VWA8: variants seen among roughly 807,000 people sequenced by gnomAD.
The protein encoded by VWA8 is von Willebrand factor A domain containing 8, also known as von Willebrand factor A domain-containing protein 8.
VWA8 carries 221 observed loss-of-function variants against 241.5 expected under a neutral mutation model. That is an observed-to-expected ratio of 0.91 (90% CI 0.82 to 1.02). The LOEUF (loss-of-function observed/expected upper bound fraction) is 1.02, where lower values mean the gene tolerates loss of function less well. Among genes scored for constraint, VWA8 ranks in the 50% least tolerant of loss-of-function variants. The pLI is 0.00. For missense variants in VWA8, 2,322 were observed against 2,328.7 expected (o/e 1.00, Z 0.06); for synonymous variants, 852 against 827.1 (o/e 1.03, Z -0.52).
intron 20 of VWA8, among the ~76,000 whole-genome samples, chr13:41,771,570 C>CT (rs550529007): frequency 1.3e-5 from 2 of 151,994 alleles, no homozygotes; most frequent in South Asian, 2.1e-4. Flanking sequence ...CTCTTAGGGA[C>CT]TTTTTTTTAT....
intron 36 of VWA8, among the ~76,000 whole-genome samples, chr13:41,674,818 A>T (rs2045049016): frequency 6.6e-6 from 1 of 152,224 alleles, no homozygotes; most frequent in African/African-American, 2.4e-5. Flanking sequence ...ATATCAAAAC[A>T]ATATTAAAGA....
At chr13:41,843,539 AG>A (rs1455854023) in intron 12 of VWA8, among the ~76,000 whole-genome samples, 5 of 152,194 alleles carry the variant, frequency 3.3e-5, no homozygotes, top group African/African-American at 1.2e-4. Flanking sequence ...ATCCATACAA[AG>A]GATCAACTAA....
At chr13:41,959,105 A>G (rs1878472953) in intron 1 of VWA8, among the ~76,000 whole-genome samples, 1 of 152,268 alleles carries the variant, frequency 6.6e-6, no homozygotes, top group Non-Finnish European at 1.5e-5. Context: ...AAGGCAAGGA[A>G]ACAGAATAAT....
At chr13:41,686,816 C>G (rs1386036341) in intron 34 of VWA8, among the ~76,000 whole-genome samples, 1 of 152,128 alleles carries the variant, frequency 6.6e-6, no homozygotes, top group Non-Finnish European at 1.5e-5. Flanking sequence ...TGGGTTCTGA[C>G]AGCCCATAGG....
At chr13:41,762,427 A>T (rs1403261784) in intron 20 of VWA8, among the ~76,000 whole-genome samples, 1 of 152,142 alleles carries the variant, frequency 6.6e-6, no homozygotes, top group Non-Finnish European at 1.5e-5. Context: ...GAGGACTCAC[A>T]TCCAGGTAAT....
intron 36 of VWA8, 132 bp from the exon 37 acceptor site, chr13:41,671,279 C>G (rs2045021557): frequency 2.1e-6 from 2 of 964,116 alleles, no homozygotes; most frequent in Non-Finnish European, 3.1e-6. Flanking sequence ...CCTGCTCTTA[C>G]CTCTGTCACC....
intron 5 of VWA8, among the ~76,000 whole-genome samples, chr13:41,889,030 C>G (rs1874689372): frequency 6.6e-6 from 1 of 152,136 alleles, no homozygotes; most frequent in Non-Finnish European, 1.5e-5. Flanking sequence ...AAAGTTCATA[C>G]AAACTGAACT....
chr13:41,647,377 A>G (rs936130121), intron 37 of VWA8, among the ~76,000 whole-genome samples: 2 of 152,262 alleles, frequency 1.3e-5, no homozygotes, highest in Non-Finnish European at 2.9e-5. Flanking sequence ...GAACAGTTAC[A>G]TTAACACACA....
intron 37 of VWA8, among the ~76,000 whole-genome samples, chr13:41,655,815 T>C (rs1381702534): frequency 1.3e-5 from 2 of 152,246 alleles, no homozygotes; most frequent in South Asian, 2.1e-4. Context: ...GAAAATACAT[T>C]TGTATAGTCT....
At chr13:41,882,173 A>G (rs185764977) in intron 9 of VWA8, among the ~76,000 whole-genome samples, 50,715 of 147,736 alleles carry the variant, frequency 0.34, 8,841 homozygotes, top group East Asian at 0.43. Context: ...ACGGGGCGGC[A>G]GGGCAGAGGC....
At chr13:41,707,425 C>T (rs7995367) in intron 26 of VWA8, among the ~76,000 whole-genome samples, 3,135 of 152,174 alleles carry the variant, frequency 0.021, 106 homozygotes, top group African/African-American at 0.069. Flanking sequence ...TCAACAATTC[C>T]GAAAACATTT....
At position 41,645,372 on chromosome 13, in the gene VWA8, G is replaced by C. The variant is rs184919077; in HGVS notation, c.4611+25574C>G. 2.0e-3 allele frequency among the ~76,000 whole-genome samples: 300 copies of C among 152,258 alleles called. 8 individuals carry two copies. Among genetic ancestry groups the C allele is most frequent in the Admixed American group, 0.017 (265 of 15,300 alleles). On this transcript the variant is annotated intron_variant, in intron 37 of 44. Coordinates refer to ENST00000379310, the MANE Select transcript of VWA8 (RefSeq NM_015058.2). ...TCATCAAGGATATTTTCTGAAGTTTGGGTTGTATGAGAATTCTACACTCTG... is the reference window on the plus strand; with the variant it reads ...TCATCAAGGATATTTTCTGAAGTTTCGGTTGTATGAGAATTCTACACTCTG...
chr13:41,740,283 A>AT (rs1026209366), intron 21 of VWA8, among the ~76,000 whole-genome samples: 1 of 152,232 alleles, frequency 6.6e-6, no homozygotes, highest in Admixed American at 6.5e-5. Context: ...TTTGATGTAG[A>AT]TTTTTTTAAA....
At chr13:41,589,907 C>T (rs778863849) in intron 41 of VWA8, among the ~76,000 whole-genome samples, 48 of 152,198 alleles carry the variant, frequency 3.2e-4, no homozygotes, top group Non-Finnish European at 1.5e-4. Context: ...AAGAAGGGTA[C>T]ATAAGCATCT....
chr13:41,659,585 G>A (rs1325881436), intron 37 of VWA8, among the ~76,000 whole-genome samples: 6 of 152,156 alleles, frequency 3.9e-5, no homozygotes, highest in Admixed American at 3.9e-4. Flanking sequence ...CTCCCAGGGT[G>A]TTAGTCTTTC....
chr13:41,654,419 C>T (rs2044888036), intron 37 of VWA8, among the ~76,000 whole-genome samples: 1 of 152,126 alleles, frequency 6.6e-6, no homozygotes, highest in African/African-American at 2.4e-5. Flanking sequence ...GGCCCCAGGA[C>T]CTGGTTTCGT....
At chr13:41,808,438 T>C (rs1163993585) in intron 17 of VWA8, among the ~76,000 whole-genome samples, 1 of 152,110 alleles carries the variant, frequency 6.6e-6, no homozygotes, top group Non-Finnish European at 1.5e-5. Flanking sequence ...GCACTTCACA[T>C]TGTCAGAGCA....
intron 13 of VWA8, among the ~76,000 whole-genome samples, chr13:41,832,200 A>G (rs2138003029): frequency 6.6e-6 from 1 of 152,282 alleles, no homozygotes; most frequent in East Asian, 1.9e-4. Flanking sequence ...AAGCACTGGG[A>G]TGATAGGCGT....
intron 36 of VWA8, among the ~76,000 whole-genome samples, chr13:41,673,139 A>C (rs747106511): frequency 3.3e-5 from 5 of 152,254 alleles, no homozygotes; most frequent in Non-Finnish European, 5.9e-5. Context: ...AACACATAGA[A>C]TTATAGTAGA....
Sources: allele counts gnomAD v4.1 joint callset (sites outside exome capture counted in the v4.1 genomes callset), GRCh38; gene constraint gnomAD v4.1.1; transcripts MANE v1.5; gene names NCBI Gene and HGNC (gene_info 2026-07-23, HGNC 2026-07-21).